The following TBC1D15 variants were observed in gnomAD, a reference collection of about 807,000 sequenced individuals.
TBC1D15 encodes the protein GAP for RAB7.
In TBC1D15, 39 loss-of-function variants were observed where a neutral mutation model predicts 95.4. That is an observed-to-expected ratio of 0.41 (90% confidence interval 0.32 to 0.53). The LOEUF (loss-of-function observed/expected upper bound fraction) is 0.53. Ranked by LOEUF, TBC1D15 falls within the 20% of genes least tolerant of loss-of-function variation. TBC1D15 has a pLI of 0.29. For synonymous variants in TBC1D15, 258 were observed against 261.3 expected (o/e 0.99, Z 0.12); for missense variants, 733 against 794.3 (o/e 0.92, Z 0.93).
intron 1 of TBC1D15, among the ~76,000 whole-genome samples, chr12:71,846,151 C>T (rs185813664): frequency 6.6e-6 from 1 of 152,234 alleles, no homozygotes; most frequent in Admixed American, 6.5e-5. Context: ...TTGCTGTGGT[C>T]ACCAGAACTC....
At chr12:71,919,136 A>G (rs748935915) in intron 14 of TBC1D15, among the ~76,000 whole-genome samples, 10 of 151,670 alleles carry the variant, frequency 6.6e-5, no homozygotes, top group Non-Finnish European at 1.3e-4. Context: ...TTCCATGGCA[A>G]CCTTTAATGA....
At chr12:71,840,554 G>A (rs1205287387) in intron 1 of TBC1D15, among the ~76,000 whole-genome samples, 3 of 152,168 alleles carry the variant, frequency 2.0e-5, no homozygotes. Context: ...GCCTATTCGC[G>A]TTCCGAGGGC....
intron 13 of TBC1D15, 105 bp from the exon 14 acceptor site, chr12:71,918,346 G>T: frequency 1.6e-6 from 1 of 632,096 alleles, no homozygotes; most frequent in Non-Finnish European, 2.7e-6. Flanking sequence ...AATGTATAGG[G>T]CCTTGAATTG....
chr12:71,898,796 T>G (rs970133952), intron 10 of TBC1D15, among the ~76,000 whole-genome samples: 2 of 152,166 alleles, frequency 1.3e-5, no homozygotes, highest in African/African-American at 4.8e-5. Flanking sequence ...TTTTTTAAAT[T>G]ATATTTAGAA....
intron 1 of TBC1D15, among the ~76,000 whole-genome samples, chr12:71,858,277 G>T (rs1261936806): frequency 6.6e-6 from 1 of 151,970 alleles, no homozygotes; most frequent in East Asian, 1.9e-4. Flanking sequence ...TCTCCATGTT[G>T]ATCAGGCTGG....
Position 71,839,818 on chromosome 12 carries a change from A to G in TBC1D15, c.30+7A>G, listed in dbSNP as rs202063917. 4 of 1,614,064 alleles carry G rather than the reference A, an allele frequency of 2.5e-6. No homozygotes were observed. The highest frequency in any genetic ancestry group is 3.4e-6 in the Non-Finnish European group (4 of 1,179,964). On this transcript the variant is annotated splice_region_variant and intron_variant, in intron 1 of 16. Coordinates refer to ENST00000485960, the MANE Select transcript of TBC1D15 (RefSeq NM_001146213.3). The stretch of plus-strand genomic sequence containing the variant: ...GGGTGTTGTGAGCGGGAAGGTAGGT[A>G]ACGGCCTCCAGGAAGACCTCGGCTT...
chr12:71,865,006 T>G (rs893283593), intron 1 of TBC1D15, among the ~76,000 whole-genome samples: 1 of 152,214 alleles, frequency 6.6e-6, no homozygotes, highest in African/African-American at 2.4e-5. Context: ...GGGGTTCTCC[T>G]AGTCTCATTT....
In TBC1D15 at chr12:71,895,939, A is replaced by G. The variant is rs1019473393; in HGVS notation, c.856-8A>G. The stretch of plus-strand genomic sequence containing the variant: ...TATGTACTTATTATTGCTTAATCTT[A>G]TTTTTAGATTGATTTGGGGGAACGC... On this transcript the variant is annotated splice_polypyrimidine_tract_variant and splice_region_variant and intron_variant, in intron 7 of 16. Coordinates refer to ENST00000485960, the MANE Select transcript of TBC1D15 (RefSeq NM_001146213.3). 11 of 1,609,732 alleles carry G rather than the reference A, an allele frequency of 6.8e-6. No homozygotes were observed. In the African/African-American group the frequency reaches 1.5e-4, roughly 22 times the overall value.
intron 14 of TBC1D15, among the ~76,000 whole-genome samples, chr12:71,918,975 A>G (rs1334969788): frequency 6.6e-6 from 1 of 152,134 alleles, no homozygotes; most frequent in Non-Finnish European, 1.5e-5. Flanking sequence ...GTACATGTGC[A>G]GGTTTGTTAC....
chr12:71,845,191 C>A (rs1333327617), intron 1 of TBC1D15, among the ~76,000 whole-genome samples: 2 of 152,094 alleles, frequency 1.3e-5, no homozygotes, highest in Non-Finnish European at 2.9e-5. Flanking sequence ...GGAAGTATAG[C>A]CTCACTGTAG....
chr12:71,857,755 A>G (rs985031069), intron 1 of TBC1D15, among the ~76,000 whole-genome samples: 1 of 152,204 alleles, frequency 6.6e-6, no homozygotes, highest in Non-Finnish European at 1.5e-5. Flanking sequence ...TGTTAATTAT[A>G]TCATGTGATA....
chr12:71,906,978 GT>G (rs772363415), intron 10 of TBC1D15, 43 bp from the exon 11 acceptor site: 72 of 1,316,298 alleles, frequency 5.5e-5, no homozygotes, highest in Non-Finnish European at 6.9e-5. Context: ...ATCACAATCT[GT>G]TTTTTGGAAG....
At chr12:71,871,005 T>G (rs1892555554) in intron 1 of TBC1D15, among the ~76,000 whole-genome samples, 2 of 152,146 alleles carry the variant, frequency 1.3e-5, no homozygotes, top group African/African-American at 4.8e-5. Context: ...TTGACCAGAC[T>G]TATATATGTG....
At chr12:71,878,599 T>C (rs986355733) in intron 3 of TBC1D15, among the ~76,000 whole-genome samples, 1 of 151,664 alleles carries the variant, frequency 6.6e-6, no homozygotes, top group Non-Finnish European at 1.5e-5. Context: ...CACTGCAATC[T>C]CCGCCTCCCG....
intron 1 of TBC1D15, among the ~76,000 whole-genome samples, chr12:71,858,551 C>CTT (rs1889654228): frequency 3.7e-5 from 4 of 109,242 alleles, no homozygotes; most frequent in Non-Finnish European, 5.7e-5. Flanking sequence ...ATTTTTTTTT[C>CTT]TTTTTCTTTT....
chr12:71,912,007 G>A (rs1214371634), intron 11 of TBC1D15, among the ~76,000 whole-genome samples: 1 of 152,052 alleles, frequency 6.6e-6, no homozygotes, highest in African/African-American at 2.4e-5. Context: ...CTTTTGAATA[G>A]CACACTTTGA....
chr12:71,865,422 A>C (rs545023277), intron 1 of TBC1D15, among the ~76,000 whole-genome samples: 15 of 152,222 alleles, frequency 9.9e-5, no homozygotes, highest in African/African-American at 3.4e-4. Flanking sequence ...AATCTGAGCC[A>C]GTAGGGTTCA....
At chr12:71,869,522 CAAAAA>C (rs1565977212) in intron 1 of TBC1D15, among the ~76,000 whole-genome samples, 2 of 151,446 alleles carry the variant, frequency 1.3e-5, no homozygotes, top group African/African-American at 2.4e-5. Flanking sequence ...AACTGTGTCT[CAAAAA>C]CAAAACAAAA....
At chr12:71,906,361 G>A (rs1165779400) in intron 10 of TBC1D15, among the ~76,000 whole-genome samples, 1 of 152,180 alleles carries the variant, frequency 6.6e-6, no homozygotes, top group African/African-American at 2.4e-5. Flanking sequence ...CTCTCACATC[G>A]TGATGCACTT....
Sources: gnomAD v4.1 joint callset for allele counts (sites outside exome capture counted in the v4.1 genomes callset) on GRCh38, gnomAD v4.1.1 for gene constraint, MANE v1.5 for transcripts, NCBI Gene and HGNC (gene_info 2026-07-23, HGNC 2026-07-21) for gene names.